The following TOP1 variants were observed in gnomAD, a reference collection of about 807,000 sequenced individuals.
TOP1 encodes the protein DNA topoisomerase I.
Under a neutral mutation model 111.1 loss-of-function variants are expected in TOP1, and 10 were observed. The observed-to-expected ratio is 0.09, with a 90% CI of 0.06 to 0.15. The LOEUF (loss-of-function observed/expected upper bound fraction) is 0.15. Among genes scored for constraint, TOP1 ranks in the 10% least tolerant of loss-of-function variants. The pLI is 1.00. For synonymous variants in TOP1, 271 were observed against 302.9 expected (o/e 0.89, Z 1.10); for missense variants, 474 against 926.7 (o/e 0.51, Z 6.34).
chr20:41,091,307 G>A (rs1247876282), intron 8 of TOP1, among the ~76,000 whole-genome samples: 1 of 152,134 alleles, frequency 6.6e-6, no homozygotes, highest in Non-Finnish European at 1.5e-5. Flanking sequence ...TGCAATTTGT[G>A]AGCCTGAGTT....
chr20:41,069,312 A>G lies in TOP1; in HGVS notation c.156-6859A>G, dbSNP rs111383217. On this transcript the variant is annotated intron_variant, in intron 3 of 20. Coordinates refer to ENST00000361337, the MANE Select transcript of TOP1 (RefSeq NM_003286.4). The surrounding 1 kb of genome is among the most constrained non-coding windows in gnomAD (Gnocchi z 4.1). ...GCCCTCCCTTTGTCTACACATCACT[A>G]TATCATCCTGTCTGTGGGAAATGGA... Among the ~76,000 whole-genome samples the G allele has an allele frequency of 6.6e-4, 101 of 152,332 alleles. 1 individual carries two copies. The highest frequency in any genetic ancestry group is 2.5e-4 in the Non-Finnish European group (17 of 68,038).
chr20:41,072,726 C>T (rs1419407748), intron 3 of TOP1: 1 of 985,398 alleles, frequency 1.0e-6, no homozygotes, highest in Non-Finnish European at 1.2e-6. Context: ...GGTAACAGCA[C>T]CTGACAAGTA....
Position 41,100,467 on chromosome 20 carries a change from C to T in TOP1, c.1163+224C>T, listed in dbSNP as rs1489109172. Among the ~76,000 whole-genome samples the T allele has an allele frequency of 6.6e-6, 1 of 152,164 alleles. No homozygotes were observed. The highest frequency in any genetic ancestry group is 6.5e-5 in the Admixed American group (1 of 15,274). ...CCCCAGTGGATGCCTGCAACTTCGA[C>T]CCAATTGCTGTCACTTGGAACACAT... On this transcript the variant is annotated intron_variant, in intron 12 of 20. Transcript: ENST00000361337. The surrounding 1 kb of genome is among the most constrained non-coding windows in gnomAD (Gnocchi z 4.4).
At chr20:41,089,026 T>C (rs1206392017) in intron 8 of TOP1, among the ~76,000 whole-genome samples, 5 of 125,458 alleles carry the variant, frequency 4.0e-5, no homozygotes, top group African/African-American at 1.7e-4. Flanking sequence ...AGTTCTTTTT[T>C]TTTTTTTTTT....
chr20:41,079,031 C>T lies in TOP1; in HGVS notation c.336-1054C>T, dbSNP rs547699550. On this transcript the variant is annotated intron_variant, in intron 5 of 20. Transcript: ENST00000361337. The surrounding 1 kb of genome is among the most constrained non-coding windows in gnomAD (Gnocchi z 4.0). ...TCCTTCTGGACCCTAGGGTCTGTGT[C>T]AGTATTCAGGCAGGAGGGGGAACAG... 2.0e-5 allele frequency among the ~76,000 whole-genome samples: 3 copies of T among 152,080 alleles called. No homozygotes were observed. Among genetic ancestry groups the T allele is most frequent in the Admixed American group, 1.3e-4 (2 of 15,278 alleles).
chr20:41,029,103 A>G lies in TOP1; in HGVS notation c.33+3A>G, dbSNP rs2033080269. 6.6e-7 allele frequency: 1 copy of G among 1,525,278 alleles called. No individual in the cohort carries two copies. The highest frequency in any genetic ancestry group is 8.8e-7 in the Non-Finnish European group (1 of 1,139,170). The allele number at this position is 1,525,278 out of a possible 1,614,324, so 94.5% of individuals were successfully genotyped here. A position where few individuals can be genotyped will look rare whatever the true frequency, so the allele number is the denominator to read the frequency against. On this transcript the variant is annotated splice_donor_region_variant and intron_variant, in intron 1 of 20. Coordinates refer to ENST00000361337, the MANE Select transcript of TOP1 (RefSeq NM_003286.4). This position sits in a 1 kb window ranked among gnomAD's most constrained non-coding sequence, Gnocchi z 6.1. ...ACCACCTCCACAACGATTCCCAGGT[A>G]CGGCCCGGCCTGACCCTGGCGGCCC...
In TOP1 at chr20:41,101,948, C is replaced by T. The variant is rs866915425; in HGVS notation, c.1308+595C>T. Among the ~76,000 whole-genome samples, 5 of 152,228 alleles carry T rather than the reference C, an allele frequency of 3.3e-5. No individual in the cohort carries two copies. Among genetic ancestry groups the T allele is most frequent in the Admixed American group, 1.3e-4 (2 of 15,280 alleles). Reference sequence around the variant, plus strand: ...TGATAGTGTTATTGCAAGGAGATAACTGCCTTGGGGGAAATCAGTTTTTGT... The same window carrying T: ...TGATAGTGTTATTGCAAGGAGATAATTGCCTTGGGGGAAATCAGTTTTTGT... On this transcript the variant is annotated intron_variant, in intron 13 of 20. Coordinates refer to ENST00000361337, the MANE Select transcript of TOP1 (RefSeq NM_003286.4). This position sits in a 1 kb window ranked among gnomAD's most constrained non-coding sequence, Gnocchi z 4.1.
chr20:41,058,073 G>A lies in TOP1; in HGVS notation c.59-3321G>A, dbSNP rs970514867. On this transcript the variant is annotated intron_variant, in intron 2 of 20. Transcript: ENST00000361337. This position sits in a 1 kb window ranked among gnomAD's most constrained non-coding sequence, Gnocchi z 4.2. ...AAGATTGAGTTCAAATCCTACTTCT[G>A]ACACCATATGATATTATTTTTCCCA... Among the ~76,000 whole-genome samples, 1 of 152,118 alleles carries A rather than the reference G, an allele frequency of 6.6e-6. No individual in the cohort carries two copies. Among genetic ancestry groups the A allele is most frequent in the Non-Finnish European group, 1.5e-5 (1 of 68,026 alleles).
Position 41,028,834 on chromosome 20 carries a change from T to C in TOP1, c.-234T>C. ...GGCGCAGTGAGCCCAAATGCGAACT[T>C]AGGCTGTTACACAACTGCTGGGGTC... On this transcript the variant is annotated 5_prime_UTR_variant, in exon 1 of 21. The change abolishes the stop of an existing upstream ORF in the 5' untranslated region. Transcript: ENST00000361337. 2 of 523,658 alleles carry C rather than the reference T, an allele frequency of 3.8e-6. No homozygotes were observed. The highest frequency in any genetic ancestry group is 6.7e-6 in the Non-Finnish European group (2 of 297,454). 32.4% of individuals were successfully genotyped at this position (523,658 alleles called of 1,614,324 possible). A position where few individuals can be genotyped will look rare whatever the true frequency, so the allele number is the denominator to read the frequency against.
In TOP1 at chr20:41,048,660, A is replaced by G. The variant is rs528291775; in HGVS notation, c.59-12734A>G. Among the ~76,000 whole-genome samples, 115 of 152,374 alleles carry G rather than the reference A, an allele frequency of 7.5e-4. 2 individuals carry two copies. Among genetic ancestry groups the G allele is most frequent in the African/African-American group, 2.7e-3 (113 of 41,596 alleles). On this transcript the variant is annotated intron_variant, in intron 2 of 20. Coordinates refer to ENST00000361337, the MANE Select transcript of TOP1 (RefSeq NM_003286.4). ...GTCACTTAGTTTTTGGCATAATAAT[A>G]AAACAATGAACAGTCTGTTCTGGCT...
In TOP1 at chr20:41,085,081, TAA is replaced by T. The variant is rs11477287; in HGVS notation, c.614+528_614+529del. ...GGCAGGTGGACACCTTCATGCCATT[TAA>T]AAAAAAAAAAAAAACTCAAGGCAAA... On this transcript the variant is annotated intron_variant, in intron 8 of 20. Transcript: ENST00000361337. 2.2e-3 allele frequency among the ~76,000 whole-genome samples: 307 copies of T among 142,312 alleles called. 2 individuals carry two copies. The highest frequency in any genetic ancestry group is 6.2e-3 in the African/African-American group (240 of 38,818). 93.4% of individuals were successfully genotyped at this position (142,312 alleles called of 152,430 possible).
At position 41,118,394 on chromosome 20, in the gene TOP1, T is replaced by C; in HGVS notation, c.1950+98T>C. On this transcript the variant is annotated intron_variant, in intron 18 of 20. Transcript: ENST00000361337. The surrounding 1 kb of genome is among the most constrained non-coding windows in gnomAD (Gnocchi z 4.6). ...GAGATATCAGCAGGCCAGTGCTGGGTCTGTTGTAGAAGGTCTATGCTAAAG... is the reference window on the plus strand; with the variant it reads ...GAGATATCAGCAGGCCAGTGCTGGGCCTGTTGTAGAAGGTCTATGCTAAAG... 7.0e-7 allele frequency: 1 copy of C among 1,436,414 alleles called. No homozygotes were observed. Among genetic ancestry groups the C allele is most frequent in the Non-Finnish European group, 9.6e-7 (1 of 1,041,938 alleles). The allele number at this position is 1,436,414 out of a possible 1,614,324, so 89.0% of individuals were successfully genotyped here. A position where few individuals can be genotyped will look rare whatever the true frequency, so the allele number is the denominator to read the frequency against.
rs1378474023 is a variant in TOP1, at chr20:41,121,279, G to A, written c.1951-417G>A. 3.3e-5 allele frequency among the ~76,000 whole-genome samples: 5 copies of A among 152,182 alleles called. No individual in the cohort carries two copies. The highest frequency in any genetic ancestry group is 5.9e-5 in the Non-Finnish European group (4 of 68,024). On this transcript the variant is annotated intron_variant, in intron 18 of 20. Coordinates refer to ENST00000361337, the MANE Select transcript of TOP1 (RefSeq NM_003286.4). The surrounding 1 kb of genome is among the most constrained non-coding windows in gnomAD (Gnocchi z 4.2). ...CAGTAGATGCAAGTATCCTGCTTCA[G>A]TTTCCTAAAGAGGAGCTCCTACAGT...
rs188547398 is a variant in TOP1, at chr20:41,101,074, G to A, written c.1164-135G>A. 2 of 787,236 alleles carry A rather than the reference G, an allele frequency of 2.5e-6. No individual in the cohort carries two copies. Among genetic ancestry groups the A allele is most frequent in the African/African-American group, 1.7e-5 (1 of 58,092 alleles). The allele number at this position is 787,236 out of a possible 1,614,324, so 48.8% of individuals were successfully genotyped here. A position where few individuals can be genotyped will look rare whatever the true frequency, so the allele number is the denominator to read the frequency against. On this transcript the variant is annotated intron_variant, in intron 12 of 20. Coordinates refer to ENST00000361337, the MANE Select transcript of TOP1 (RefSeq NM_003286.4). This position sits in a 1 kb window ranked among gnomAD's most constrained non-coding sequence, Gnocchi z 4.1. The stretch of plus-strand genomic sequence containing the variant: ...TGAGGGTAAGTAAAACCATGCATAA[G>A]GTGGGACTACTGTATTGACTGTTAA...
chr20:41,091,199 T>C (rs74528219), intron 8 of TOP1, among the ~76,000 whole-genome samples: 2,828 of 152,278 alleles, frequency 0.019, 28 homozygotes, highest in Middle Eastern at 0.031. Context: ...GAATGATTGA[T>C]AATAAAATAA....
rs573466164 is a variant in TOP1, at chr20:41,049,834, A to AT, written c.59-11550dup. Among the ~76,000 whole-genome samples, 256 of 150,318 alleles carry AT rather than the reference A, an allele frequency of 1.7e-3. 1 individual carries two copies. The highest frequency in any genetic ancestry group is 6.9e-3 in the Middle Eastern group (2 of 290). ...TTGTCTGCCATCTTCTTAGCTAGAGATTTTTTTTTTGTTTGTTTTGTTAGC... is the reference window on the plus strand; with the variant it reads ...TTGTCTGCCATCTTCTTAGCTAGAGATTTTTTTTTTTGTTTGTTTTGTTAGC... On this transcript the variant is annotated intron_variant, in intron 2 of 20. Coordinates refer to ENST00000361337, the MANE Select transcript of TOP1 (RefSeq NM_003286.4).
At chr20:41,041,702 A>G (rs570535911) in intron 2 of TOP1, among the ~76,000 whole-genome samples, 1 of 152,310 alleles carries the variant, frequency 6.6e-6, no homozygotes, top group East Asian at 1.9e-4. Context: ...AGTGGAAGGT[A>G]CTGAAAATCT....
intron 2 of TOP1, among the ~76,000 whole-genome samples, chr20:41,037,782 T>C (rs2033207761): frequency 6.6e-6 from 1 of 152,230 alleles, no homozygotes; most frequent in Non-Finnish European, 1.5e-5. Context: ...TGTTCACTAG[T>C]GTTCATTAGG....
At chr20:41,056,625 T>G (rs978010406) in intron 2 of TOP1, among the ~76,000 whole-genome samples, 3 of 152,130 alleles carry the variant, frequency 2.0e-5, no homozygotes, top group African/African-American at 7.2e-5. Context: ...GTATTACAGG[T>G]GCACCAAGAT....
Sources: gnomAD v4.1 joint callset for allele counts (sites outside exome capture counted in the v4.1 genomes callset) on GRCh38, gnomAD v4.1.1 for gene constraint, Gnocchi (gnomAD v3.1) non-coding constraint, MANE v1.5 for transcripts, NCBI Gene and HGNC (gene_info 2026-07-23, HGNC 2026-07-21) for gene names.